FGF13: variants seen among roughly 807,000 people sequenced by gnomAD.
FGF13 encodes the protein fibroblast growth factor homologous factor 2.
A neutral mutation model predicts 19.5 loss-of-function variants in FGF13; 2 were observed. The observed-to-expected ratio is 0.10, with a 90% CI of 0.04 to 0.32. FGF13 has a LOEUF of 0.32. FGF13 is among the 10% of genes least tolerant of loss of function. The probability of loss-of-function intolerance (pLI) is 1.00; values close to 1 mark genes in which losing one functional copy is unlikely to be tolerated. For synonymous variants in FGF13, 72 were observed against 76.9 expected, an observed-to-expected ratio of 0.94 and a Z score of 0.33; for missense variants, 113 against 192.7, an observed-to-expected ratio of 0.59 and a Z score of 2.45.
intron 3 of FGF13, among the ~76,000 whole-genome samples, chrX:138,674,861 G>A (rs2089649443): frequency 1.8e-5 from 2 of 111,114 alleles, no homozygotes; most frequent in African/African-American, 6.5e-5. Flanking sequence ...CATCTATATG[G>A]ATACTAAAAT....
chrX:138,913,681 G>A (rs1203174147), intron 1 of FGF13, among the ~76,000 whole-genome samples: 3 of 104,394 alleles, frequency 2.9e-5, no homozygotes, highest in African/African-American at 1.0e-4. Context: ...AGGAAGGAAG[G>A]AAGGAAGGAA....
chrX:138,957,056 T>C (rs1360407975), intron 1 of FGF13, among the ~76,000 whole-genome samples: 2 of 111,111 alleles, frequency 1.8e-5, no homozygotes, highest in South Asian at 3.8e-4. Context: ...CATTAGTATA[T>C]GCCTACGGGG....
chrX:138,878,038 T>C, intron 1 of FGF13, among the ~76,000 whole-genome samples: 1 of 111,848 alleles, frequency 8.9e-6, no homozygotes, highest in African/African-American at 3.3e-5. Context: ...CCATTTTACA[T>C]TTCCACCAAC....
intron 3 of FGF13, among the ~76,000 whole-genome samples, chrX:138,686,688 T>C (rs2089786395): frequency 8.9e-6 from 1 of 111,741 alleles, no homozygotes; most frequent in African/African-American, 3.2e-5. Flanking sequence ...ATAAAATCTA[T>C]ACAATGTCAG....
intron 1 of FGF13, among the ~76,000 whole-genome samples, chrX:138,721,350 C>T (rs1172622028): frequency 8.9e-6 from 1 of 111,754 alleles, no homozygotes; most frequent in African/African-American, 3.3e-5. Context: ...AGAGGAACAA[C>T]TAGGATTTGG....
Position 139,162,232 on chromosome X carries a change from G to C in FGF13, c.-113+41184C>G, listed in dbSNP as rs756925935. Among the ~76,000 whole-genome samples the C allele has an allele frequency of 8.0e-5, 9 of 111,905 alleles. No homozygotes were observed. In the South Asian group the frequency reaches 3.3e-3, roughly 42 times the overall value. On this transcript the variant is annotated intron_variant, in intron 1 of 2. Transcript: ENST00000421460. Reference sequence around the variant, plus strand: ...ACCAATGGAACAGAACACAGCCTCAGAAATAAAGCCACACATCTACAACCT... The same window carrying C: ...ACCAATGGAACAGAACACAGCCTCACAAATAAAGCCACACATCTACAACCT...
At chrX:139,003,445 C>G (rs954922586) in intron 1 of FGF13, among the ~76,000 whole-genome samples, 1 of 111,720 alleles carries the variant, frequency 9.0e-6, no homozygotes, top group African/African-American at 3.3e-5. Context: ...GAAGGGGACC[C>G]GAACGTGTTG....
At chrX:138,857,494 C>T (rs779164732), downstream of FGF13, 28 of 1,165,157 alleles carry the variant, frequency 2.4e-5, no homozygotes, top group East Asian at 3.1e-5. Flanking sequence ...GCAAAACACG[C>T]GTCTGTCGTG....
chrX:138,809,495 A>C (rs1372304953), intron 3 of FGF13, among the ~76,000 whole-genome samples: 1 of 111,874 alleles, frequency 8.9e-6, no homozygotes. Context: ...TATCATACTG[A>C]ATGGGCAAAA....
At chrX:138,702,067 G>A (rs934604166) in intron 3 of FGF13, among the ~76,000 whole-genome samples, 11 of 111,578 alleles carry the variant, frequency 9.9e-5, no homozygotes, top group South Asian at 3.8e-4. Flanking sequence ...CGGATCATTC[G>A]AGACCAGGAG....
intron 3 of FGF13, among the ~76,000 whole-genome samples, chrX:138,680,143 C>G (rs929315722): frequency 1.8e-5 from 2 of 111,892 alleles, no homozygotes; most frequent in Non-Finnish European, 3.8e-5. Context: ...CATTTTCAGG[C>G]CCTACTTTTA....
At chrX:139,061,742 T>G (rs1433216368) in intron 1 of FGF13, among the ~76,000 whole-genome samples, 1 of 111,547 alleles carries the variant, frequency 9.0e-6, no homozygotes, top group African/African-American at 3.3e-5. Flanking sequence ...AACTTTTGTT[T>G]TTTTGATAAT....
chrX:138,762,268 C>T (rs944304499), intron 3 of FGF13, among the ~76,000 whole-genome samples: 1 of 110,883 alleles, frequency 9.0e-6, no homozygotes, highest in Non-Finnish European at 1.9e-5. Flanking sequence ...CCCAATGGTG[C>T]CTTTGACCTG....
At chrX:139,042,020 G>A (rs1412345104) in intron 1 of FGF13, among the ~76,000 whole-genome samples, 1 of 112,435 alleles carries the variant, frequency 8.9e-6, no homozygotes, top group Non-Finnish European at 1.9e-5. Flanking sequence ...AATCACATGT[G>A]TAAAACTGCA....
chrX:138,913,176 C>T (rs1021205278), intron 1 of FGF13, among the ~76,000 whole-genome samples: 1 of 86,652 alleles, frequency 1.2e-5, no homozygotes, highest in Admixed American at 1.5e-4. Context: ...AAAGAAAAAG[C>T]ATCTACTTTT....
intron 1 of FGF13, among the ~76,000 whole-genome samples, chrX:138,969,627 G>A (rs1191224803): frequency 8.9e-6 from 1 of 111,818 alleles, no homozygotes; most frequent in Non-Finnish European, 1.9e-5. Context: ...AGTTTTATAA[G>A]AACACTGGCT....
chrX:138,673,625 C>A (rs2089635916), intron 3 of FGF13, among the ~76,000 whole-genome samples: 1 of 111,361 alleles, frequency 9.0e-6, no homozygotes, highest in Non-Finnish European at 1.9e-5. Context: ...CTGCAAAAAA[C>A]CTTTTAAGGA....
rs2088963058 is a variant in FGF13 at position 138,615,819 on chromosome X, C to T, written c.*17031G>A. 9.0e-6 allele frequency: 1 copy of T among 111,624 alleles called. No homozygotes were observed. Among genetic ancestry groups the T allele is most frequent in the African/African-American group, 3.3e-5 (1 of 30,641 alleles). The allele number at this position is 111,624 out of a possible 1,213,427, so 9.2% of individuals were successfully genotyped here. On this transcript the variant is annotated 3_prime_UTR_variant, in exon 5 of 5. Coordinates refer to ENST00000315930, the MANE Select transcript of FGF13 (RefSeq NM_004114.5). Reference sequence around the variant, plus strand: ...GGCTTCGGAGGCCTCAGGAGACTTACAATCATGGTGGAAGGCCCCTCTTCA... The same window carrying T: ...GGCTTCGGAGGCCTCAGGAGACTTATAATCATGGTGGAAGGCCCCTCTTCA...
At position 138,891,992 on chromosome X, in the gene FGF13, A is replaced by C. The variant is rs1006532727; in HGVS notation, c.-112-27342T>G. Among the ~76,000 whole-genome samples the C allele has an allele frequency of 2.2e-4, 12 of 54,117 alleles. No homozygotes were observed. In the South Asian group the frequency reaches 8.0e-3, roughly 36 times the overall value. 47.0% of individuals were successfully genotyped at this position (54,117 alleles called of 115,157 possible). A position where few individuals can be genotyped will look rare whatever the true frequency, so the allele number is the denominator to read the frequency against. On this transcript the variant is annotated intron_variant, in intron 1 of 2. Transcript: ENST00000421460. ...AACTCCAATCTCTGTCTCTCTCTCT[A>C]TATATACATATGTGTGTGTGTGTGT... is the stretch of plus-strand genomic sequence containing the variant.
Sources: allele counts gnomAD v4.1 joint callset (sites outside exome capture counted in the v4.1 genomes callset), GRCh38; gene constraint gnomAD v4.1.1; transcripts MANE v1.5; gene names NCBI Gene and HGNC (gene_info 2026-07-23, HGNC 2026-07-21).